Variants in ADGRG5 observed in about 807,000 individuals in gnomAD.
The protein encoded by ADGRG5 is adhesion G protein-coupled receptor G5.
ADGRG5 carries 37 observed loss-of-function variants against 53.2 expected under a neutral mutation model. The observed-to-expected ratio is 0.70, with a 90% CI of 0.53 to 0.91. The LOEUF (loss-of-function observed/expected upper bound fraction) is 0.91, where lower values mean the gene tolerates loss of function less well. Ranked by LOEUF, ADGRG5 falls within the 40% of genes least tolerant of loss-of-function variation. The pLI is 0.00. For synonymous variants in ADGRG5, 277 were observed against 290.4 expected (o/e 0.95, Z 0.47); for missense variants, 614 against 675.8 (o/e 0.91, Z 1.01).
rs140192551 is a variant in ADGRG5, at chr16:57,567,993, C to T, written c.959C>T (p.Ala320Val). 116 of 1,614,072 alleles carry T rather than the reference C, an allele frequency of 7.2e-5. No homozygotes were observed. In the African/African-American group the frequency reaches 1.4e-3, roughly 19 times the overall value. Residue 320 changes from alanine (A) to valine (V), a missense_variant, in exon 9 of 12, where the codon GCC (alanine) becomes GTC (valine). Ala to Val is a moderately conservative substitution (Grantham distance 64). Coordinates refer to ENST00000349457, the MANE Select transcript of ADGRG5 (RefSeq NM_001304376.3). ...PGSACTALAAALHYALLSCLT... is the reference protein window; with the variant it reads ...PGSACTALAAVLHYALLSCLT... ...TCAGCATGCACGGCTCTGGCCGCTG[C>T]CCTGCACTACGCGCTGCTCAGCTGC...
chr16:57,572,672 C>G (rs2033395511), intron 10 of ADGRG5, among the ~76,000 whole-genome samples: 1 of 152,234 alleles, frequency 6.6e-6, no homozygotes, highest in African/African-American at 2.4e-5. Flanking sequence ...AGCCTGGAGA[C>G]AGAGCGAGAC....
At chr16:57,559,119 G>A (rs2032946548) in intron 1 of ADGRG5, among the ~76,000 whole-genome samples, 1 of 152,000 alleles carries the variant, frequency 6.6e-6, no homozygotes, top group South Asian at 2.1e-4. Context: ...CAAAGTGTTG[G>A]GATTACAGGC....
chr16:57,554,515 T>C (rs1255749262), intron 1 of ADGRG5, among the ~76,000 whole-genome samples: 1 of 152,112 alleles, frequency 6.6e-6, no homozygotes, highest in Non-Finnish European at 1.5e-5. Context: ...TAGCTGGGAC[T>C]ACAGGCACCT....
intron 4 of ADGRG5, among the ~76,000 whole-genome samples, chr16:57,563,606 G>C (rs2033056735): frequency 6.6e-6 from 1 of 152,340 alleles, no homozygotes; most frequent in Non-Finnish European, 1.5e-5. Context: ...GCTGGGGCTG[G>C]GTGCTGAGGT....
chr16:57,534,483 C>T, the ADGRG5 span, among the ~76,000 whole-genome samples: 1 of 152,234 alleles, frequency 6.6e-6, no homozygotes, highest in South Asian at 2.1e-4. Context: ...AACTCCTACA[C>T]ATCCTTCAAA....
chr16:57,531,753 G>A, the ADGRG5 span, among the ~76,000 whole-genome samples: 1 of 152,048 alleles, frequency 6.6e-6, no homozygotes, highest in Admixed American at 6.5e-5. Flanking sequence ...CACCTTCTGT[G>A]CTCCTAATTT....
Position 57,562,433 on chromosome 16 carries a change from G to C in ADGRG5, c.114G>C (p.Arg38Ser). ...LSYMENMQVS[R>S]GRSSVFSSRQ... ...ACATGGAGAATATGCAGGTGTCCAGGGGCCGGAGCTCAGTTTTTTCCTCTC... is the reference window on the plus strand; with the variant it reads ...ACATGGAGAATATGCAGGTGTCCAGCGGCCGGAGCTCAGTTTTTTCCTCTC... Residue 38 changes from arginine to serine, a missense_variant, in exon 3 of 12, where the codon AGG becomes AGC. Coordinates refer to ENST00000349457, the MANE Select transcript of ADGRG5 (RefSeq NM_001304376.3). 6.2e-7 allele frequency: 1 copy of C among 1,606,778 alleles called. No individual in the cohort carries two copies. Among genetic ancestry groups the C allele is most frequent in the Non-Finnish European group, 8.5e-7 (1 of 1,176,908 alleles).
At chr16:57,568,228 T>G in intron 9 of ADGRG5, 104 bp downstream of exon 9, 8 of 1,137,430 alleles carry the variant, frequency 7.0e-6, no homozygotes, top group African/African-American at 1.5e-5. Flanking sequence ...ATAGTGGCCA[T>G]TACATGACCA....
chr16:57,536,778 GCGGGCCGTACCCCAACGGAGGCCCCA>G, the ADGRG5 span, among the ~76,000 whole-genome samples: 1 of 152,106 alleles, frequency 6.6e-6, no homozygotes, highest in South Asian at 2.1e-4. Flanking sequence ...CTGCTGCAGA[GCGGGCCGTACCCCAACGGAGGCCCCA>G]CCCCCGTGAG....
chr16:57,544,715 TTA>T (rs1201815322), intron 1 of ADGRG5, among the ~76,000 whole-genome samples: 2 of 152,166 alleles, frequency 1.3e-5, no homozygotes, highest in African/African-American at 4.8e-5. Flanking sequence ...TGGGCCTGAG[TTA>T]TCTCTCCTGA....
At position 57,575,036 on chromosome 16, in the gene ADGRG5, T is replaced by C. The variant is rs1459761093; in HGVS notation, c.1430T>C (p.Phe477Ser). The C allele has an allele frequency of 2.5e-6, 4 of 1,614,042 alleles. No homozygotes were observed. Among genetic ancestry groups the C allele is most frequent in the African/African-American group, 1.3e-5 (1 of 75,040 alleles). ...GTTWALAFFSFGVFLLPQLFL... is the reference protein window; with the variant it reads ...GTTWALAFFSSGVFLLPQLFL... The stretch of plus-strand genomic sequence containing the variant: ...ACCTGGGCCTTGGCCTTCTTTTCTT[T>C]TGGCGTCTTCCTGCTGCCCCAGCTG... Residue 477 changes from phenylalanine to serine, a missense_variant, in exon 11 of 12, where the codon TTT (phenylalanine) becomes TCT (serine). Physicochemically the swap from Phe to Ser is radical, Grantham distance 155. Coordinates refer to ENST00000349457, the MANE Select transcript of ADGRG5 (RefSeq NM_001304376.3).
chr16:57,532,678 G>C, the ADGRG5 span, among the ~76,000 whole-genome samples: 1 of 148,740 alleles, frequency 6.7e-6, no homozygotes, highest in Non-Finnish European at 1.5e-5. Context: ...AAGGAGACAT[G>C]CTCATCCCCA....
intron 4 of ADGRG5, among the ~76,000 whole-genome samples, chr16:57,563,554 C>T (rs2033055606): frequency 6.6e-6 from 1 of 152,212 alleles, no homozygotes; most frequent in African/African-American, 2.4e-5. Context: ...TTTTAGGACC[C>T]TGGGGTGATC....
chr16:57,554,529 A>T (rs1355074926), intron 1 of ADGRG5, among the ~76,000 whole-genome samples: 1 of 152,048 alleles, frequency 6.6e-6, no homozygotes, highest in Non-Finnish European at 1.5e-5. Context: ...GGCACCTGCC[A>T]CCATGCCCGG....
chr16:57,554,538 G>T (rs973177974), intron 1 of ADGRG5, among the ~76,000 whole-genome samples: 1 of 151,846 alleles, frequency 6.6e-6, no homozygotes, highest in African/African-American at 2.4e-5. Flanking sequence ...CACCATGCCC[G>T]GCTAACTTTT....
At chr16:57,529,514 T>C in the ADGRG5 span, among the ~76,000 whole-genome samples, 10 of 152,342 alleles carry the variant, frequency 6.6e-5, no homozygotes, top group Admixed American at 6.5e-4. The surrounding 1 kb of genome is among the most constrained non-coding windows in gnomAD (Gnocchi z 4.1). Flanking sequence ...CTCGACTCCC[T>C]GCTCCAATCC....
chr16:57,540,218 G>T (rs144854695), upstream of ADGRG5, among the ~76,000 whole-genome samples: 173 of 152,258 alleles, frequency 1.1e-3, 3 homozygotes, highest in East Asian at 0.031. Flanking sequence ...ACTCCAGCCT[G>T]GCGACAGAGT....
chr16:57,532,574 ACACGGGTG>A, the ADGRG5 span, among the ~76,000 whole-genome samples: 1 of 152,202 alleles, frequency 6.6e-6, no homozygotes, highest in Non-Finnish European at 1.5e-5. Flanking sequence ...GCACACAACG[ACACGGGTG>A]CATGGAGAGA....
At chr16:57,531,482 C>CGTGT in the ADGRG5 span, among the ~76,000 whole-genome samples, 17,461 of 152,094 alleles carry the variant, frequency 0.11, 2,029 homozygotes, top group African/African-American at 0.3. Flanking sequence ...AGTACCCACA[C>CGTGT]CCACCTCCCT....
Sources: gnomAD v4.1 joint callset for allele counts (sites outside exome capture counted in the v4.1 genomes callset) on GRCh38, gnomAD v4.1.1 for gene constraint, Gnocchi (gnomAD v3.1) non-coding constraint, MANE v1.5 for transcripts, NCBI Gene and HGNC (gene_info 2026-07-23, HGNC 2026-07-21) for gene names.